XRCC5: variants seen among roughly 807,000 people sequenced by gnomAD.
XRCC5 encodes DNA repair protein Ku80.
XRCC5 carries 12 observed loss-of-function variants against 95.7 expected under a neutral mutation model. The observed-to-expected ratio is 0.13, with a 90% CI of 0.08 to 0.20. The LOEUF is 0.20. Ranked by LOEUF, XRCC5 falls within the 10% of genes least tolerant of loss-of-function variation. XRCC5 has a pLI of 1.00. For missense variants in XRCC5, 595 were observed against 873.9 expected, an observed-to-expected ratio of 0.68 and a Z score of 4.02; for synonymous variants, 281 against 290.3, an observed-to-expected ratio of 0.97 and a Z score of 0.33.
intron 16 of XRCC5, among the ~76,000 whole-genome samples, chr2:216,185,368 GC>G (rs1559260399): frequency 6.6e-6 from 1 of 152,144 alleles, no homozygotes; most frequent in Admixed American, 6.5e-5. Flanking sequence ...CATAAAGAAA[GC>G]CCGCTTTTGA....
intron 9 of XRCC5, 176 bp downstream of exon 9, chr2:216,131,163 C>T (rs1696988463): frequency 1.0e-6 from 1 of 985,142 alleles, no homozygotes; most frequent in Non-Finnish European, 1.2e-6. Context: ...AACTGAGGTT[C>T]AGAGCCGTTA....
At chr2:216,156,221 C>G (rs149773119) in intron 14 of XRCC5, 12 of 439,390 alleles carry the variant, frequency 2.7e-5, no homozygotes, top group African/African-American at 2.2e-4. Flanking sequence ...CCTTGTGATT[C>G]GTTGAGGCCA....
intron 4 of XRCC5, among the ~76,000 whole-genome samples, chr2:216,118,702 T>G (rs982985641): frequency 1.3e-5 from 2 of 152,208 alleles, no homozygotes; most frequent in African/African-American, 4.8e-5. Flanking sequence ...AAAGTGAACC[T>G]GAGCAAGGCT....
chr2:216,198,782 A>G (rs1228293601), intron 19 of XRCC5, among the ~76,000 whole-genome samples: 1 of 152,026 alleles, frequency 6.6e-6, no homozygotes, highest in Admixed American at 6.6e-5. Flanking sequence ...CAAACTCCTG[A>G]CCTCAAGTGG....
intron 16 of XRCC5, among the ~76,000 whole-genome samples, chr2:216,165,602 C>T (rs888982898): frequency 1.3e-5 from 2 of 152,208 alleles, no homozygotes; most frequent in African/African-American, 2.4e-5. Context: ...CCAAGACTCA[C>T]TTCTCTTGCA....
chr2:216,165,293 T>C (rs1295386141), intron 16 of XRCC5, among the ~76,000 whole-genome samples: 4 of 152,206 alleles, frequency 2.6e-5, no homozygotes, highest in Non-Finnish European at 5.9e-5. Context: ...TTATATTGAA[T>C]TTGACTTTGA....
At chr2:216,173,906 A>G (rs1299167512) in intron 16 of XRCC5, among the ~76,000 whole-genome samples, 2 of 152,222 alleles carry the variant, frequency 1.3e-5, no homozygotes, top group Non-Finnish European at 2.9e-5. Context: ...TCTGTTCTTT[A>G]TAAATTACCC....
intron 14 of XRCC5, among the ~76,000 whole-genome samples, chr2:216,153,308 C>G (rs1375539785): frequency 6.6e-6 from 1 of 152,164 alleles, no homozygotes; most frequent in South Asian, 2.1e-4. Flanking sequence ...CCAAATTTTT[C>G]TTTTTCAATC....
chr2:216,150,821 A>G (rs889378310), intron 14 of XRCC5, among the ~76,000 whole-genome samples: 7 of 152,152 alleles, frequency 4.6e-5, no homozygotes, highest in Non-Finnish European at 8.8e-5. Flanking sequence ...CCTGGGAGGC[A>G]GAGGTTGCAG....
intron 14 of XRCC5, among the ~76,000 whole-genome samples, chr2:216,150,915 C>T (rs562448027): frequency 3.9e-5 from 6 of 152,062 alleles, no homozygotes; most frequent in South Asian, 2.1e-4. Flanking sequence ...TAAAAGAAAA[C>T]GTAATGCTTT....
chr2:216,194,993 A>AGG lies in XRCC5; in HGVS notation c.2109+10_2109+11dup. 2 of 1,613,690 alleles carry AGG rather than the reference A, an allele frequency of 1.2e-6. No homozygotes were observed. Among genetic ancestry groups the AGG allele is most frequent in the Non-Finnish European group, 1.7e-6 (2 of 1,179,556 alleles). On this transcript the variant is annotated splice_region_variant and intron_variant, in intron 19 of 20. Coordinates refer to ENST00000392132, the MANE Select transcript of XRCC5 (RefSeq NM_021141.4). Reference sequence around the variant, plus strand: ...AGCTGAGGAAGCCAAAAAGGTATTGAGGGGTAAACCTTTGTCTTTAGTTGA... The same window carrying AGG: ...AGCTGAGGAAGCCAAAAAGGTATTGAGGGGGGTAAACCTTTGTCTTTAGTTGA...
chr2:216,153,150 C>G (rs1275712919), intron 14 of XRCC5, among the ~76,000 whole-genome samples: 1 of 152,214 alleles, frequency 6.6e-6, no homozygotes, highest in Admixed American at 6.5e-5. Flanking sequence ...CCCACCACAT[C>G]CTTGAAACTC....
At chr2:216,122,613 CATT>C (rs1488468129) in intron 6 of XRCC5, among the ~76,000 whole-genome samples, 6 of 149,952 alleles carry the variant, frequency 4.0e-5, no homozygotes, top group Non-Finnish European at 7.4e-5. Context: ...CTACAAAAAA[CATT>C]ATTAATTATA....
At chr2:216,180,762 T>G (rs1285020297) in intron 16 of XRCC5, among the ~76,000 whole-genome samples, 1 of 151,998 alleles carries the variant, frequency 6.6e-6, no homozygotes, top group East Asian at 1.9e-4. Context: ...TAATGGGACT[T>G]TCTCCAGAAA....
chr2:216,156,921 G>A (rs767817540), intron 14 of XRCC5: 5 of 313,902 alleles, frequency 1.6e-5, no homozygotes, highest in East Asian at 8.0e-5. Flanking sequence ...ATATCTTTTC[G>A]CCTTTCTGGG....
chr2:216,136,967 CA>C, intron 10 of XRCC5, 120 bp from the exon 11 acceptor site: 1 of 1,240,722 alleles, frequency 8.1e-7, no homozygotes, highest in Non-Finnish European at 1.1e-6. Flanking sequence ...TCCTTCAAGT[CA>C]GGGGGCACCC....
At chr2:216,190,442 C>G in intron 17 of XRCC5, 108 bp downstream of exon 17, 1 of 926,074 alleles carries the variant, frequency 1.1e-6, no homozygotes, top group Non-Finnish European at 1.6e-6. Flanking sequence ...AATTATCATT[C>G]TCAATATGAA....
chr2:216,196,797 A>G (rs933721618), intron 19 of XRCC5, among the ~76,000 whole-genome samples: 2 of 152,198 alleles, frequency 1.3e-5, no homozygotes, highest in African/African-American at 4.8e-5. Flanking sequence ...CACATCTACA[A>G]AATACCCTCA....
At chr2:216,129,645 G>A (rs1696949807) in intron 8 of XRCC5, among the ~76,000 whole-genome samples, 1 of 152,120 alleles carries the variant, frequency 6.6e-6, no homozygotes, top group Non-Finnish European at 1.5e-5. Flanking sequence ...TTTGTCACTA[G>A]CTTTTTAAAA....
Sources: gnomAD v4.1 joint callset for allele counts (sites outside exome capture counted in the v4.1 genomes callset) on GRCh38, gnomAD v4.1.1 for gene constraint, MANE v1.5 for transcripts, NCBI Gene and HGNC (gene_info 2026-07-23, HGNC 2026-07-21) for gene names.